EXOC4: variants seen among roughly 807,000 people sequenced by gnomAD.
EXOC4 encodes exocyst complex component 4, also known as SEC8-like 1.
A neutral mutation model predicts 107.2 loss-of-function variants in EXOC4; 71 were observed. The ratio of observed to expected loss-of-function variants is 0.66; its 90% CI spans 0.55 to 0.81. EXOC4 has a LOEUF of 0.81. Among genes scored for constraint, EXOC4 ranks in the 30% least tolerant of loss-of-function variants. EXOC4 has a pLI of 0.00. For missense variants in EXOC4, 1,108 were observed against 1,189.6 expected (o/e 0.93, Z 1.01); for synonymous variants, 456 against 441.2 (o/e 1.03, Z -0.42).
chr7:133,840,406 G>A (rs757152501), intron 11 of EXOC4, among the ~76,000 whole-genome samples: 1 of 152,190 alleles, frequency 6.6e-6, no homozygotes, highest in Non-Finnish European at 1.5e-5. Flanking sequence ...TATTACAAAG[G>A]TTACCTCAGA....
At chr7:133,908,076 A>C (rs1415118489) in intron 12 of EXOC4, among the ~76,000 whole-genome samples, 1 of 152,144 alleles carries the variant, frequency 6.6e-6, no homozygotes, top group African/African-American at 2.4e-5. Flanking sequence ...CCACCTAACC[A>C]GTTGTCCTAC....
intron 9 of EXOC4, among the ~76,000 whole-genome samples, chr7:133,594,596 C>G (rs778760220): frequency 6.7e-6 from 1 of 148,708 alleles, no homozygotes; most frequent in Admixed American, 6.9e-5. Flanking sequence ...CTGGTTCAAG[C>G]GATTCTCCTG....
chr7:133,369,144 G>A (rs1228377076), intron 6 of EXOC4, among the ~76,000 whole-genome samples: 1 of 152,236 alleles, frequency 6.6e-6, no homozygotes, highest in African/African-American at 2.4e-5. Context: ...CAGTCAGAGA[G>A]TGTATATAAA....
Position 134,004,896 on chromosome 7 carries a change from T to G in EXOC4, c.2349-16T>G. ...GATTTATTATTAACTGCTCTCCCTATCTCTCTCTTTTTCAGGGTTCACTGT... is the reference window on the plus strand; with the variant it reads ...GATTTATTATTAACTGCTCTCCCTAGCTCTCTCTTTTTCAGGGTTCACTGT... On this transcript the variant is annotated splice_polypyrimidine_tract_variant and intron_variant, in intron 15 of 17. Transcript: ENST00000253861. The G allele has an allele frequency of 6.2e-7, 1 of 1,605,596 alleles. No homozygotes were observed. The highest frequency in any genetic ancestry group is 8.5e-7 in the Non-Finnish European group (1 of 1,174,714).
At chr7:133,600,091 AG>A (rs1801772788) in intron 9 of EXOC4, among the ~76,000 whole-genome samples, 2 of 151,826 alleles carry the variant, frequency 1.3e-5, no homozygotes, top group Admixed American at 1.3e-4. Context: ...TAGTAGAGAC[AG>A]GGTTTCACCA....
Position 133,946,595 on chromosome 7 carries a change from T to C in EXOC4, c.2206+8526T>C, listed in dbSNP as rs79245627. Among the ~76,000 whole-genome samples, 864 of 152,352 alleles carry C rather than the reference T, an allele frequency of 5.7e-3. 5 individuals carry two copies. Among genetic ancestry groups the C allele is most frequent in the Middle Eastern group, 0.02 (6 of 294 alleles). ...ACAAACTCGTTGAAACTTATCATAA[T>C]GAAGAAAGAATTGTGTGGAAAGCCG... On this transcript the variant is annotated intron_variant, in intron 14 of 17. Coordinates refer to ENST00000253861, the MANE Select transcript of EXOC4 (RefSeq NM_021807.4).
chr7:133,574,797 C>T (rs1260053569), intron 9 of EXOC4, among the ~76,000 whole-genome samples: 1 of 152,210 alleles, frequency 6.6e-6, no homozygotes, highest in African/African-American at 2.4e-5. Context: ...CACCCAGATA[C>T]ATCCGAAAAG....
chr7:133,920,348 C>T (rs546599503), intron 13 of EXOC4, among the ~76,000 whole-genome samples: 18 of 152,148 alleles, frequency 1.2e-4, no homozygotes, highest in Non-Finnish European at 2.4e-4. Context: ...ATTCTCTTCA[C>T]GATGTCTTTT....
intron 14 of EXOC4, among the ~76,000 whole-genome samples, chr7:133,948,481 A>C (rs1188976987): frequency 1.3e-5 from 2 of 152,234 alleles, no homozygotes; most frequent in Admixed American, 1.3e-4. Context: ...AATGTTCTAA[A>C]TATAAACTGG....
intron 13 of EXOC4, among the ~76,000 whole-genome samples, chr7:133,923,363 G>A (rs964577861): frequency 3.3e-5 from 5 of 151,936 alleles, no homozygotes; most frequent in East Asian, 1.9e-4. Flanking sequence ...CTTGTGATCC[G>A]CCCACCTCGG....
At chr7:133,422,038 G>A (rs1160452119) in intron 7 of EXOC4, among the ~76,000 whole-genome samples, 2 of 152,148 alleles carry the variant, frequency 1.3e-5, no homozygotes, top group South Asian at 2.1e-4. Context: ...TTTATGTTAT[G>A]CCCAGTAACC....
intron 10 of EXOC4, among the ~76,000 whole-genome samples, chr7:133,686,993 T>TTGTG (rs1027053373): frequency 2.9e-3 from 22 of 7,604 alleles, no homozygotes; most frequent in Admixed American, 6.2e-3. Flanking sequence ...ATAAAGAATT[T>TTGTG]TGTGTGTGTG....
downstream of EXOC4, among the ~76,000 whole-genome samples, chr7:134,067,590 G>C (rs1266323836): frequency 1.3e-5 from 2 of 149,912 alleles, no homozygotes; most frequent in African/African-American, 5.0e-5. Context: ...TAAATTCCTT[G>C]AAAAAGAGGT....
chr7:133,975,241 C>T (rs566468095), intron 14 of EXOC4, among the ~76,000 whole-genome samples: 1 of 152,200 alleles, frequency 6.6e-6, no homozygotes, highest in Admixed American at 6.5e-5. Flanking sequence ...GGGTCTGGAT[C>T]ATGCTTTCTT....
intron 9 of EXOC4, among the ~76,000 whole-genome samples, chr7:133,611,261 A>T (rs930819247): frequency 2.0e-5 from 3 of 152,144 alleles, no homozygotes; most frequent in African/African-American, 7.2e-5. Context: ...GTGGTTGATG[A>T]TGGTCTCAGA....
intron 13 of EXOC4, among the ~76,000 whole-genome samples, chr7:133,933,830 A>T (rs548268771): frequency 7.2e-5 from 11 of 152,212 alleles, no homozygotes; most frequent in Non-Finnish European, 1.6e-4. Flanking sequence ...TGGCGTGCCC[A>T]TTTGAAAGTT....
In EXOC4 at chr7:133,895,837, C is replaced by G. The variant is rs1799295328; in HGVS notation, c.1871+102C>G. ...AGCCTAATTTCCAAAAGGATCATCTCTGAGTTTGTCAAGAGATGAGAACAT... is the reference window on the plus strand; with the variant it reads ...AGCCTAATTTCCAAAAGGATCATCTGTGAGTTTGTCAAGAGATGAGAACAT... On this transcript the variant is annotated intron_variant, in intron 12 of 17. Coordinates refer to ENST00000253861, the MANE Select transcript of EXOC4 (RefSeq NM_021807.4). The G allele has an allele frequency of 3.1e-6, 4 of 1,297,208 alleles. No individual in the cohort carries two copies. The East Asian group carries it at 7.0e-5, about 23-fold the overall frequency. 80.4% of individuals were successfully genotyped at this position (1,297,208 alleles called of 1,614,324 possible). A position where few individuals can be genotyped will look rare whatever the true frequency, so the allele number is the denominator to read the frequency against.
At chr7:133,820,181 G>A (rs1441880405) in intron 11 of EXOC4, among the ~76,000 whole-genome samples, 1 of 57,426 alleles carries the variant, frequency 1.7e-5, no homozygotes, top group African/African-American at 7.1e-5. Context: ...TTTTTTTGGT[G>A]ATTATGTTGC....
intron 14 of EXOC4, among the ~76,000 whole-genome samples, chr7:133,945,540 A>G (rs990850166): frequency 6.6e-6 from 1 of 152,214 alleles, no homozygotes; most frequent in Non-Finnish European, 1.5e-5. Flanking sequence ...CTGATTAACA[A>G]CAAAAATGTT....
Sources: gnomAD v4.1 joint callset for allele counts (sites outside exome capture counted in the v4.1 genomes callset) on GRCh38, gnomAD v4.1.1 for gene constraint, MANE v1.5 for transcripts, NCBI Gene and HGNC (gene_info 2026-07-23, HGNC 2026-07-21) for gene names.